The following FSCN2 variants were observed in gnomAD, a reference collection of about 807,000 sequenced individuals.
FSCN2 encodes fascin-2.
A neutral mutation model predicts 37.8 loss-of-function variants in FSCN2; 46 were observed. That is an observed-to-expected ratio of 1.22 (90% CI 0.96 to 1.56). The LOEUF is 1.56. Among genes scored for constraint, FSCN2 ranks in the 40% most tolerant of loss-of-function variants. FSCN2 has a pLI of 0.00. For missense variants in FSCN2, 844 were observed against 730.4 expected (o/e 1.16, Z -1.79); for synonymous variants, 351 against 309.4 (o/e 1.13, Z -1.41).
chr17:81,536,488 C>T, intron 3 of FSCN2, 134 bp from the exon 4 acceptor site: 4 of 1,531,096 alleles, frequency 2.6e-6, no homozygotes, highest in East Asian at 2.4e-5. Flanking sequence ...GGCGCCTTGC[C>T]AAGGCCGCAC....
At chr17:81,525,205 C>T (rs1238067325), upstream of FSCN2, among the ~76,000 whole-genome samples, 1 of 151,948 alleles carries the variant, frequency 6.6e-6, no homozygotes, top group African/African-American at 2.4e-5. Context: ...GCAGGTGGAT[C>T]ACCTGAGGTC....
At chr17:81,531,901 T>TG (rs2032650720) in intron 1 of FSCN2, among the ~76,000 whole-genome samples, 2 of 147,626 alleles carry the variant, frequency 1.4e-5, no homozygotes, top group Non-Finnish European at 1.5e-5. Flanking sequence ...ATGATGGTGA[T>TG]AGTGATGGTG....
the FSCN2 span, among the ~76,000 whole-genome samples, chr17:81,516,226 C>A: frequency 2.0e-5 from 3 of 152,360 alleles, no homozygotes; most frequent in East Asian, 5.8e-4. Flanking sequence ...CTAGCAAAGC[C>A]CACAGCCTTG....
chr17:81,522,487 G>T, the FSCN2 span, among the ~76,000 whole-genome samples: 2 of 152,194 alleles, frequency 1.3e-5, no homozygotes, highest in Non-Finnish European at 2.9e-5. Context: ...AGTGATAAAT[G>T]GTCCGTTTCT....
rs781926332 is a variant in FSCN2 at position 81,529,129 on chromosome 17, C to G, written c.598C>G (p.Leu200Val). Residue 200 changes from leucine to valine, a missense_variant, in exon 1 of 5, where the codon CTG becomes GTG. Transcript: ENST00000417245. Reference sequence around the variant, plus strand: ...CCGCTACCTGCGCAGCGACGGCCGTCTGGTCTGGGAGCCTGAGCCCCGTGC... The same window carrying G: ...CCGCTACCTGCGCAGCGACGGCCGTGTGGTCTGGGAGCCTGAGCCCCGTGC... The part of the protein sequence containing the change: ...DSRYLRSDGR[L>V]VWEPEPRACY... 6.3e-7 allele frequency: 1 copy of G among 1,583,792 alleles called. No individual in the cohort carries two copies. Among genetic ancestry groups the G allele is most frequent in the African/African-American group, 1.3e-5 (1 of 74,324 alleles).
upstream of FSCN2, among the ~76,000 whole-genome samples, chr17:81,528,244 G>C (rs1555670413): frequency 6.6e-6 from 1 of 152,232 alleles, no homozygotes; most frequent in African/African-American, 2.4e-5. Context: ...GTGCAATCCG[G>C]GAGTGGCTGA....
upstream of FSCN2, among the ~76,000 whole-genome samples, chr17:81,524,556 C>T (rs1178336568): frequency 6.6e-6 from 1 of 152,192 alleles, no homozygotes; most frequent in Non-Finnish European, 1.5e-5. Context: ...GTGGCAGGCA[C>T]GTGTGTATCC....
At chr17:81,529,954 C>T (rs1242346914) in intron 1 of FSCN2, among the ~76,000 whole-genome samples, 13 of 152,332 alleles carry the variant, frequency 8.5e-5, no homozygotes, top group East Asian at 5.8e-4. Flanking sequence ...GGACTACAGG[C>T]GCCCGCCACC....
chr17:81,531,696 ATGG>A (rs1472735869), intron 1 of FSCN2, among the ~76,000 whole-genome samples: 4,654 of 72,548 alleles, frequency 0.064, 432 homozygotes, highest in African/African-American at 0.22. Context: ...GATGATGGTG[ATGG>A]TGATGATGAT....
At chr17:81,536,014 C>G (rs1199054411) in intron 2 of FSCN2, 132 bp from the exon 3 acceptor site, 1 of 1,135,998 alleles carries the variant, frequency 8.8e-7, no homozygotes, top group Non-Finnish European at 1.2e-6. Context: ...AGGGTAGCGC[C>G]TGATGGTGGT....
chr17:81,526,097 G>A (rs569712137), upstream of FSCN2, among the ~76,000 whole-genome samples: 5 of 152,290 alleles, frequency 3.3e-5, no homozygotes, highest in South Asian at 2.1e-4. Context: ...ACTTAGTGCC[G>A]GGCGGCCAGG....
intron 1 of FSCN2, among the ~76,000 whole-genome samples, chr17:81,531,351 A>AGG (rs2032569546): frequency 5.5e-5 from 1 of 18,124 alleles, no homozygotes; most frequent in South Asian, 1.5e-3. Flanking sequence ...GGTGGTGATG[A>AGG]TGGTGATGGT....
At chr17:81,516,126 G>A in the FSCN2 span, among the ~76,000 whole-genome samples, 2 of 152,256 alleles carry the variant, frequency 1.3e-5, no homozygotes. Context: ...TTACAGGCGT[G>A]AGCCACCTCA....
Position 81,536,692 on chromosome 17 carries a change from C to T in FSCN2, c.1176C>T (p.Phe392=), listed in dbSNP as rs1421532469. 5.0e-6 allele frequency: 8 copies of T among 1,610,942 alleles called. No individual in the cohort carries two copies. Among genetic ancestry groups the T allele is most frequent in the African/African-American group, 1.3e-5 (1 of 75,026 alleles). Residue 392 remains phenylalanine, a synonymous_variant, in exon 4 of 5, where the codon TTC becomes TTT. Transcript: ENST00000417245. The part of the protein sequence containing the change: ...PILVLRGLDG[F]VCHHRGSNQL... ...TGGTGCTGCGCGGCCTGGACGGCTT[C>T]GTCTGCCACCACCGCGGCTCCAACC...
In FSCN2 at chr17:81,529,288, G is replaced by C; in HGVS notation, c.757G>C (p.Asp253His). Reference protein sequence around the residue: ...NTRPGKDELFDLEESHPQVVL... With the variant: ...NTRPGKDELFHLEESHPQVVL... Reference sequence around the variant, plus strand: ...GCGACCTGGCAAGGATGAGCTCTTTGATCTGGAGGAGAGTCACCCACAGGT... The same window carrying C: ...GCGACCTGGCAAGGATGAGCTCTTTCATCTGGAGGAGAGTCACCCACAGGT... The change falls in exon 1 of 5, where the codon GAT becomes CAT. Residue 253 changes from aspartate (D) to histidine (H), a missense_variant. Coordinates refer to ENST00000417245, the MANE Select transcript of FSCN2 (RefSeq NM_012418.4). The C allele has an allele frequency of 1.9e-6, 3 of 1,580,702 alleles. No homozygotes were observed. Among genetic ancestry groups the C allele is most frequent in the Non-Finnish European group, 2.6e-6 (3 of 1,161,452 alleles).
At chr17:81,521,726 A>G in the FSCN2 span, among the ~76,000 whole-genome samples, 1 of 152,086 alleles carries the variant, frequency 6.6e-6, no homozygotes, top group African/African-American at 2.4e-5. Flanking sequence ...ACATTTGCTT[A>G]TCATTCTCCT....
intron 1 of FSCN2, among the ~76,000 whole-genome samples, chr17:81,534,289 C>A (rs532282561): frequency 6.6e-6 from 1 of 152,158 alleles, no homozygotes; most frequent in Non-Finnish European, 1.5e-5. Flanking sequence ...GCTCTGCCCA[C>A]CACTCCCTCC....
At chr17:81,522,092 C>T in the FSCN2 span, among the ~76,000 whole-genome samples, 7 of 151,988 alleles carry the variant, frequency 4.6e-5, no homozygotes, top group African/African-American at 1.5e-4. Flanking sequence ...CTGCAACCTC[C>T]GTCTCCTGGG....
Position 81,536,747 on chromosome 17 carries a change from G to A in FSCN2, c.1231G>A (p.Val411Ile), listed in dbSNP as rs772146268. The change falls in exon 4 of 5, where the codon GTC becomes ATC. Residue 411 changes from valine to isoleucine, a missense_variant. Transcript: ENST00000417245. The part of the protein sequence containing the change: ...QLDTNRSVYD[V>I]FHLSFSDGAY... ...GGACACCAACCGCTCCGTCTACGAC[G>A]TCTTCCACCTGAGCTTCAGCGACGG... is the stretch of plus-strand genomic sequence containing the variant. The A allele has an allele frequency of 5.0e-6, 8 of 1,609,976 alleles. No individual in the cohort carries two copies. The highest frequency in any genetic ancestry group is 1.7e-5 in the Admixed American group (1 of 59,764).
Sources: allele counts gnomAD v4.1 joint callset (sites outside exome capture counted in the v4.1 genomes callset), GRCh38; gene constraint gnomAD v4.1.1; transcripts MANE v1.5; gene names NCBI Gene and HGNC (gene_info 2026-07-23, HGNC 2026-07-21).